SULT2B1: variants seen among roughly 807,000 people sequenced by gnomAD.
SULT2B1 encodes the protein sulfotransferase 2B1.
SULT2B1 carries 16 observed loss-of-function variants against 33.2 expected under a neutral mutation model. The ratio of observed to expected loss-of-function variants is 0.48; its 90% CI spans 0.33 to 0.73. The LOEUF is 0.73. Among genes scored for constraint, SULT2B1 ranks in the 30% least tolerant of loss-of-function variants. The probability of loss-of-function intolerance (pLI) is 0.02; values close to 1 mark genes in which losing one functional copy is unlikely to be tolerated. For missense variants in SULT2B1, 500 were observed against 506.0 expected (o/e 0.99, Z 0.11); for synonymous variants, 186 against 200.5 (o/e 0.93, Z 0.61).
At chr19:48,580,798 C>T (rs1601102296) in intron 2 of SULT2B1, among the ~76,000 whole-genome samples, 2 of 151,612 alleles carry the variant, frequency 1.3e-5, no homozygotes, top group East Asian at 3.9e-4. Flanking sequence ...ATTTTTGTAG[C>T]GATAAGGGTC....
chr19:48,596,580 A>G, intron 5 of SULT2B1, 159 bp from the exon 6 acceptor site: 2 of 749,798 alleles, frequency 2.7e-6, no homozygotes, highest in Non-Finnish European at 2.1e-6. Context: ...TAGAGGCGAT[A>G]TAGCCCAACC....
Position 48,552,387 on chromosome 19 carries a change from C to A in SULT2B1, c.71+64C>A. On this transcript the variant is annotated intron_variant, in intron 1 of 6. Coordinates refer to ENST00000201586, the MANE Select transcript of SULT2B1 (RefSeq NM_177973.2). This position sits in a 1 kb window ranked among gnomAD's most constrained non-coding sequence, Gnocchi z 4.8. ...GGAGGAGGTGGCTGTTTGGGGGAGC[C>A]GGGGACTGTGGCAAGGGTGGCCTCC... 1 of 1,528,894 alleles carries A rather than the reference C, an allele frequency of 6.5e-7. No homozygotes were observed. The allele number at this position is 1,528,894 out of a possible 1,614,324, so 94.7% of individuals were successfully genotyped here. A position where few individuals can be genotyped will look rare whatever the true frequency, so the allele number is the denominator to read the frequency against.
intron 2 of SULT2B1, among the ~76,000 whole-genome samples, chr19:48,584,212 A>G (rs745373018): frequency 6.6e-6 from 1 of 152,236 alleles, no homozygotes; most frequent in Admixed American, 6.5e-5. Context: ...AATTGGGAAG[A>G]AGGACTTCCC....
At chr19:48,563,684 C>T (rs1267867707) in intron 1 of SULT2B1, among the ~76,000 whole-genome samples, 3 of 151,696 alleles carry the variant, frequency 2.0e-5, no homozygotes, top group Non-Finnish European at 4.4e-5. Flanking sequence ...CAGGCTGGGG[C>T]GCAGGCACCG....
intron 1 of SULT2B1, among the ~76,000 whole-genome samples, chr19:48,557,135 G>A (rs1204715089): frequency 1.3e-5 from 2 of 152,038 alleles, no homozygotes; most frequent in African/African-American, 2.4e-5. Context: ...TTTAATTCAG[G>A]ATAGCAGCTC....
intron 1 of SULT2B1, among the ~76,000 whole-genome samples, chr19:48,570,625 G>A (rs1973309608): frequency 6.6e-6 from 1 of 151,814 alleles, no homozygotes; most frequent in East Asian, 1.9e-4. Flanking sequence ...AGGGTCAAGT[G>A]TAGATGTTGG....
Position 48,552,420 on chromosome 19 carries a change from C to A in SULT2B1, c.71+97C>A. 1 of 1,332,240 alleles carries A rather than the reference C, an allele frequency of 7.5e-7. No individual in the cohort carries two copies. The highest frequency in any genetic ancestry group is 1.0e-6 in the Non-Finnish European group (1 of 962,494). 82.5% of individuals were successfully genotyped at this position (1,332,240 alleles called of 1,614,324 possible). ...GTGGCAAGGGTGGCCTCCAGCCACC[C>A]GCAGCCGCAGGCCTGGCCCAGACTT... On this transcript the variant is annotated intron_variant, in intron 1 of 6. Coordinates refer to ENST00000201586, the MANE Select transcript of SULT2B1 (RefSeq NM_177973.2). This position sits in a 1 kb window ranked among gnomAD's most constrained non-coding sequence, Gnocchi z 4.8.
rs555631733 is a variant in SULT2B1, at chr19:48,552,584, T to C, written c.71+261T>C. Among the ~76,000 whole-genome samples the C allele has an allele frequency of 6.6e-5, 10 of 152,284 alleles. No homozygotes were observed. The highest frequency in any genetic ancestry group is 2.4e-4 in the African/African-American group (10 of 41,554). ...CTGTCGCTCTCCGGGCCTCAGTTTT[T>C]CTGTCTGTCAAAGGGGCCCACAAGC... On this transcript the variant is annotated intron_variant, in intron 1 of 6. Transcript: ENST00000201586. This position sits in a 1 kb window ranked among gnomAD's most constrained non-coding sequence, Gnocchi z 4.8.
chr19:48,574,734 A>G (rs924942182), intron 1 of SULT2B1, among the ~76,000 whole-genome samples: 1 of 152,204 alleles, frequency 6.6e-6, no homozygotes, highest in Non-Finnish European at 1.5e-5. Flanking sequence ...TCCGCTGCCC[A>G]AGGCACAGAA....
chr19:48,598,997 G>T, intron 6 of SULT2B1, 138 bp from the exon 7 acceptor site: 1 of 1,429,416 alleles, frequency 7.0e-7, no homozygotes. Context: ...CAATGTGGAG[G>T]GTAGGGAGGA....
chr19:48,562,157 C>T (rs1027197351), intron 1 of SULT2B1, among the ~76,000 whole-genome samples: 25 of 152,158 alleles, frequency 1.6e-4, no homozygotes, highest in Admixed American at 6.6e-4. Context: ...GAGGCTGAGG[C>T]GGGCGGATCA....
intron 5 of SULT2B1, among the ~76,000 whole-genome samples, chr19:48,594,731 A>C (rs1973687728): frequency 6.6e-6 from 1 of 152,194 alleles, no homozygotes; most frequent in Admixed American, 6.5e-5. Flanking sequence ...ATCAGAAGGT[A>C]GTGATGGCCG....
chr19:48,597,935 A>C (rs1973742866), intron 6 of SULT2B1, among the ~76,000 whole-genome samples: 1 of 151,998 alleles, frequency 6.6e-6, no homozygotes, highest in African/African-American at 2.4e-5. Flanking sequence ...CGCCCGGCCA[A>C]GTGAAGCATC....
chr19:48,599,033 T>G lies in SULT2B1; in HGVS notation c.827-102T>G. The G allele has an allele frequency of 6.7e-7, 1 of 1,486,898 alleles. No individual in the cohort carries two copies. Among genetic ancestry groups the G allele is most frequent in the South Asian group, 1.3e-5 (1 of 75,144 alleles). 92.1% of individuals were successfully genotyped at this position (1,486,898 alleles called of 1,614,324 possible). A position where few individuals can be genotyped will look rare whatever the true frequency, so the allele number is the denominator to read the frequency against. ...CGGTGTTTCTGGCAAAGGGAACACC[T>G]CGCCAAAGGCCGGGAAGGGGAAGGA... On this transcript the variant is annotated intron_variant, in intron 6 of 6. Transcript: ENST00000201586. This position sits in a 1 kb window ranked among gnomAD's most constrained non-coding sequence, Gnocchi z 4.1.
At chr19:48,567,210 G>A (rs540003732) in intron 1 of SULT2B1, among the ~76,000 whole-genome samples, 6 of 152,190 alleles carry the variant, frequency 3.9e-5, no homozygotes, top group South Asian at 2.1e-4. Flanking sequence ...TTCCTCAAGG[G>A]CATCTGTCTA....
chr19:48,557,787 T>C (rs73575884), intron 1 of SULT2B1, among the ~76,000 whole-genome samples: 37,158 of 149,654 alleles, frequency 0.25, 4,798 homozygotes, highest in East Asian at 0.45. Flanking sequence ...GGCATGGTGG[T>C]GCATGCCTGT....
chr19:48,576,359 C>CTTTACTTTCTTTTTTTTTTT (rs1973407266), intron 2 of SULT2B1, among the ~76,000 whole-genome samples: 1 of 96,716 alleles, frequency 1.0e-5, no homozygotes, highest in African/African-American at 4.3e-5. Flanking sequence ...CTCTACTTCT[C>CTTTACTTTCTTTTTTTTTTT]TTTTTTTTTT....
In SULT2B1 at chr19:48,587,323, G is replaced by T; in HGVS notation, c.309G>T (p.Trp103Cys). Reference sequence around the variant, plus strand: ...TGCCCATCTGGGAGCGGGCACCCTGGTGTGAGACCATTGTGGGTGCCTTCA... The same window carrying T: ...TGCCCATCTGGGAGCGGGCACCCTGTTGTGAGACCATTGTGGGTGCCTTCA... ...RSVPIWERAPWCETIVGAFSL... is the reference protein window; with the variant it reads ...RSVPIWERAPCCETIVGAFSL... The change falls in exon 3 of 7, where the codon TGG becomes TGT. Residue 103 changes from tryptophan to cysteine, a missense_variant. Physicochemically the swap from Trp to Cys is radical, Grantham distance 215. Transcript: ENST00000201586. 6.2e-7 allele frequency: 1 copy of T among 1,614,036 alleles called. No homozygotes were observed. Among genetic ancestry groups the T allele is most frequent in the Non-Finnish European group, 8.5e-7 (1 of 1,179,990 alleles).
intron 1 of SULT2B1, among the ~76,000 whole-genome samples, chr19:48,556,257 G>A (rs1242184013): frequency 1.3e-5 from 2 of 152,156 alleles, no homozygotes; most frequent in Non-Finnish European, 2.9e-5. Context: ...CCCTGATCAC[G>A]CTGGTCTAGC....
Sources: gnomAD v4.1 joint callset for allele counts (sites outside exome capture counted in the v4.1 genomes callset) on GRCh38, gnomAD v4.1.1 for gene constraint, Gnocchi (gnomAD v3.1) non-coding constraint, MANE v1.5 for transcripts, NCBI Gene and HGNC (gene_info 2026-07-23, HGNC 2026-07-21) for gene names.